The following ZCWPW1 variants were observed in gnomAD, a reference collection of about 807,000 sequenced individuals.
ZCWPW1 encodes the protein zinc finger CW-type PWWP domain protein 1.
Under a neutral mutation model 81.3 loss-of-function variants are expected in ZCWPW1, and 56 were observed. The ratio of observed to expected loss-of-function variants is 0.69; its 90% CI spans 0.56 to 0.86. The LOEUF (loss-of-function observed/expected upper bound fraction) is 0.86, where lower values mean the gene tolerates loss of function less well. Ranked by LOEUF, ZCWPW1 falls within the 40% of genes least tolerant of loss-of-function variation. The probability of loss-of-function intolerance (pLI) is 0.00; values close to 1 mark genes in which losing one functional copy is unlikely to be tolerated. For synonymous variants in ZCWPW1, 250 were observed against 273.7 expected, an observed-to-expected ratio of 0.91 and a Z score of 0.86; for missense variants, 650 against 769.8, an observed-to-expected ratio of 0.84 and a Z score of 1.84.
Position 100,416,286 on chromosome 7 carries a change from T to C in ZCWPW1, c.631+19A>G. On this transcript the variant is annotated intron_variant, in intron 7 of 17. Transcript: ENST00000684423. The stretch of plus-strand genomic sequence containing the variant: ...CTAGTACTTGAGCCAGGCTTCAAAG[T>C]ATATCTGACTGTACTTACGAGCTTC... 6.2e-7 allele frequency: 1 copy of C among 1,612,236 alleles called. No homozygotes were observed. Among genetic ancestry groups the C allele is most frequent in the African/African-American group, 1.3e-5 (1 of 74,866 alleles).
In ZCWPW1 at chr7:100,405,045, T is replaced by A; in HGVS notation, c.1222A>T (p.Met408Leu). 1 of 1,613,646 alleles carries A rather than the reference T, an allele frequency of 6.2e-7. No homozygotes were observed. Among genetic ancestry groups the A allele is most frequent in the Non-Finnish European group, 8.5e-7 (1 of 1,179,814 alleles). Reference protein sequence around the residue: ...CSQKLGVALMMAQEAEQISIQ... With the variant: ...CSQKLGVALMLAQEAEQISIQ... ...CTGATCTGTTCTGCCTCTTGAGCCATCATCAGGGCCACCCCCAGTTTCTGG... is the reference window on the plus strand; with the variant it reads ...CTGATCTGTTCTGCCTCTTGAGCCAACATCAGGGCCACCCCCAGTTTCTGG... The change falls in exon 13 of 18, where the codon ATG becomes TTG. Residue 408 changes from methionine to leucine, a missense_variant. Coordinates refer to ENST00000684423, the MANE Select transcript of ZCWPW1 (RefSeq NM_001386010.1).
chr7:100,407,976 G>T (rs1328305126), intron 10 of ZCWPW1, among the ~76,000 whole-genome samples: 3 of 151,972 alleles, frequency 2.0e-5, no homozygotes, highest in East Asian at 3.9e-4. Flanking sequence ...TTTGAGATGG[G>T]GACTCACTCT....
At chr7:100,408,461 C>T in intron 10 of ZCWPW1, 78 bp downstream of exon 10, 1 of 1,550,262 alleles carries the variant, frequency 6.5e-7, no homozygotes, top group Non-Finnish European at 8.7e-7. Context: ...CAGATGTTTT[C>T]CATTTGCTTC....
chr7:100,403,494 C>T (rs946469596), intron 15 of ZCWPW1, among the ~76,000 whole-genome samples, 200 bp downstream of exon 15: 10 of 151,152 alleles, frequency 6.6e-5, no homozygotes, highest in South Asian at 2.1e-4. Flanking sequence ...GGATTACAGG[C>T]GTGAGCCACC....
chr7:100,407,159 C>A, intron 11 of ZCWPW1, 69 bp downstream of exon 11: 2 of 1,425,802 alleles, frequency 1.4e-6, no homozygotes, highest in Non-Finnish European at 2.0e-6. Flanking sequence ...CTTATCTGTA[C>A]GTCTGTGAGG....
At position 100,419,189 on chromosome 7, in the gene ZCWPW1, C is replaced by T. The variant is rs534015238; in HGVS notation, c.283G>A (p.Glu95Lys). 12 of 1,612,514 alleles carry T rather than the reference C, an allele frequency of 7.4e-6. No homozygotes were observed. Among genetic ancestry groups the T allele is most frequent in the Admixed American group, 6.7e-5 (4 of 59,768 alleles). Residue 95 changes from glutamate (E) to lysine (K), a missense_variant and splice_region_variant, in exon 5 of 18, where the codon GAA becomes AAA. Coordinates refer to ENST00000684423, the MANE Select transcript of ZCWPW1 (RefSeq NM_001386010.1). Reference sequence around the variant, plus strand: ...TCTGCATTGGTAAGACTTGATTTTTCCTGCAGAGACAAGGGTAGGGGAGGA... The same window carrying T: ...TCTGCATTGGTAAGACTTGATTTTTTCTGCAGAGACAAGGGTAGGGGAGGA... ...INKQAEKKEK[E>K]KSSLTNAEFE...
rs979398507 is a variant in ZCWPW1 at position 100,419,610 on chromosome 7, C to A, written c.282+20G>T. The A allele has an allele frequency of 6.3e-7, 1 of 1,594,888 alleles. No homozygotes were observed. The highest frequency in any genetic ancestry group is 1.4e-5 in the African/African-American group (1 of 73,606). On this transcript the variant is annotated intron_variant, in intron 4 of 17. Transcript: ENST00000684423. ...GGTATGAGAAAATCTCCTACCAGAG[C>A]CCACCACTATGACTGGTACCTTTTC...
intron 3 of ZCWPW1, 103 bp downstream of exon 3, chr7:100,420,519 G>A: frequency 2.9e-6 from 4 of 1,380,236 alleles, no homozygotes; most frequent in Admixed American, 1.8e-5. Flanking sequence ...ACCTGAGTGG[G>A]CACAGAATAT....
Position 100,411,654 on chromosome 7 carries a change from G to A in ZCWPW1, c.755-2110C>T, listed in dbSNP as rs1794194424. ...ACAGTTGCCAATAGTAGTTTTGGAT[G>A]TTTACAGAGGTGAGCTAGCAAGACT... On this transcript the variant is annotated intron_variant, in intron 8 of 17. Transcript: ENST00000684423. 3.9e-5 allele frequency among the ~76,000 whole-genome samples: 6 copies of A among 152,244 alleles called. 1 individual carries two copies. In the Middle Eastern group the frequency reaches 0.01, roughly 259 times the overall value.
At chr7:100,413,670 A>G (rs1048113138) in intron 8 of ZCWPW1, among the ~76,000 whole-genome samples, 4 of 152,160 alleles carry the variant, frequency 2.6e-5, no homozygotes, top group Non-Finnish European at 4.4e-5. Context: ...ACTCACAATC[A>G]CCTAGAGGGT....
rs1345095773 is a variant in ZCWPW1 at position 100,409,412 on chromosome 7, T to C, written c.871+16A>G. On this transcript the variant is annotated intron_variant, in intron 9 of 17. Coordinates refer to ENST00000684423, the MANE Select transcript of ZCWPW1 (RefSeq NM_001386010.1). ...AACAATAAAACATGAATGAAAACAT[T>C]TCCAGTCTTTTCTACCTGTGTTCTG... The C allele has an allele frequency of 1.4e-5, 22 of 1,570,630 alleles. No individual in the cohort carries two copies. Among genetic ancestry groups the C allele is most frequent in the African/African-American group, 4.1e-5 (3 of 73,790 alleles).
rs1024780597 is a variant in ZCWPW1 at position 100,408,447 on chromosome 7, A to AT, written c.992+91dup. 12 of 1,517,200 alleles carry AT rather than the reference A, an allele frequency of 7.9e-6. No homozygotes were observed. The African/African-American group carries it at 1.2e-4, about 16-fold the overall frequency. 94.0% of individuals were successfully genotyped at this position (1,517,200 alleles called of 1,614,324 possible). On this transcript the variant is annotated intron_variant, in intron 10 of 17. Coordinates refer to ENST00000684423, the MANE Select transcript of ZCWPW1 (RefSeq NM_001386010.1). The stretch of plus-strand genomic sequence containing the variant: ...TCTTTCTAAGGCCAGAACCATTTCA[A>AT]TTACAGATGTTTTCCATTTGCTTCC...
intron 1 of ZCWPW1, among the ~76,000 whole-genome samples, chr7:100,427,643 G>C (rs1797909285): frequency 6.6e-6 from 1 of 150,862 alleles, no homozygotes; most frequent in African/African-American, 2.4e-5. Context: ...GGGTTGCAGT[G>C]AGCCGAGACT....
At chr7:100,421,062 A>G (rs992954362) in intron 2 of ZCWPW1, among the ~76,000 whole-genome samples, 1 of 152,228 alleles carries the variant, frequency 6.6e-6, no homozygotes, top group Admixed American at 6.5e-5. Context: ...AGGTGAGAGG[A>G]TCACTTGAGC....
rs182395518 is a variant in ZCWPW1 at position 100,418,057 on chromosome 7, A to C, written c.362-874T>G. On this transcript the variant is annotated intron_variant, in intron 5 of 17. Transcript: ENST00000684423. Reference sequence around the variant, plus strand: ...ACGCCACCACGCCTGGCTAATTTTTATATTTTTAGTAGAGACGGGGTTTCA... The same window carrying C: ...ACGCCACCACGCCTGGCTAATTTTTCTATTTTTAGTAGAGACGGGGTTTCA... Among the ~76,000 whole-genome samples the C allele has an allele frequency of 7.2e-5, 11 of 151,744 alleles. No homozygotes were observed. The East Asian group carries it at 2.0e-3, about 27-fold the overall frequency.
In ZCWPW1 at chr7:100,427,697, T is replaced by TA. The variant is rs549307225; in HGVS notation, c.-137+870dup. Among the ~76,000 whole-genome samples the TA allele has an allele frequency of 8.7e-3, 956 of 109,856 alleles. 10 individuals are homozygous for TA. The highest frequency in any genetic ancestry group is 0.054 in the East Asian group (210 of 3,878). The allele number at this position is 109,856 out of a possible 152,430, so 72.1% of individuals were successfully genotyped here. A position where few individuals can be genotyped will look rare whatever the true frequency, so the allele number is the denominator to read the frequency against. On this transcript the variant is annotated intron_variant, in intron 1 of 17. Coordinates refer to ENST00000684423, the MANE Select transcript of ZCWPW1 (RefSeq NM_001386010.1). Reference sequence around the variant, plus strand: ...CTGGGCGACAGAGCGAGACAGTCTTTAAAAAAAAAAAAAAAAAAGCCCCAA... The same window carrying TA: ...CTGGGCGACAGAGCGAGACAGTCTTTAAAAAAAAAAAAAAAAAAAGCCCCAA...
intron 15 of ZCWPW1, 126 bp from the exon 16 acceptor site, chr7:100,402,702 A>G: frequency 1.1e-6 from 1 of 944,652 alleles, no homozygotes; most frequent in South Asian, 1.4e-5. Flanking sequence ...TGAGCCTGAT[A>G]TTGTTTAAAT....
chr7:100,426,783 TTC>T (rs1491316595), intron 1 of ZCWPW1, among the ~76,000 whole-genome samples: 4 of 94,276 alleles, frequency 4.2e-5, no homozygotes, highest in African/African-American at 8.4e-5. Flanking sequence ...CCTCCTCCCT[TTC>T]TCTCTCCCTC....
intron 5 of ZCWPW1, among the ~76,000 whole-genome samples, chr7:100,418,098 T>C (rs1177079538): frequency 4.6e-5 from 7 of 152,114 alleles, no homozygotes; most frequent in South Asian, 4.1e-4. Context: ...TTGGGCAGGC[T>C]GGTCTTGAAC....
Sources: gnomAD v4.1 joint callset for allele counts (sites outside exome capture counted in the v4.1 genomes callset) on GRCh38, gnomAD v4.1.1 for gene constraint, MANE v1.5 for transcripts, NCBI Gene and HGNC (gene_info 2026-07-23, HGNC 2026-07-21) for gene names.